RAPGEF4: variants seen among roughly 807,000 people sequenced by gnomAD.
The protein encoded by RAPGEF4 is RAP guanine-nucleotide-exchange factor (GEF) 4.
In RAPGEF4, 66 loss-of-function variants were observed where a neutral mutation model predicts 147.9. The observed-to-expected ratio is 0.45, with a 90% CI of 0.37 to 0.55. The LOEUF is 0.55. Among genes scored for constraint, RAPGEF4 ranks in the 20% least tolerant of loss-of-function variants. RAPGEF4 has a pLI of 0.00. For missense variants in RAPGEF4, 1,071 were observed against 1,257.3 expected, an observed-to-expected ratio of 0.85 and a Z score of 2.24; for synonymous variants, 419 against 442.7, an observed-to-expected ratio of 0.95 and a Z score of 0.67.
intron 5 of RAPGEF4, among the ~76,000 whole-genome samples, chr2:172,920,877 T>G (rs1302875433): frequency 6.6e-6 from 1 of 152,154 alleles, no homozygotes; most frequent in African/African-American, 2.4e-5. Context: ...AGGCCATCCT[T>G]CCTCTTTCTG....
chr2:172,743,238 A>T (rs1214502303), intron 1 of RAPGEF4, among the ~76,000 whole-genome samples: 2 of 152,158 alleles, frequency 1.3e-5, no homozygotes, highest in Non-Finnish European at 2.9e-5. Flanking sequence ...GAGAAAGAGG[A>T]TGGAAAGAAC....
chr2:172,968,187 C>G (rs996505200), intron 10 of RAPGEF4, among the ~76,000 whole-genome samples: 5 of 152,172 alleles, frequency 3.3e-5, no homozygotes, highest in African/African-American at 9.7e-5. Context: ...TTTCAGTTAG[C>G]GGTGACTTGG....
At chr2:172,969,288 A>G (rs1690207936) in intron 10 of RAPGEF4, among the ~76,000 whole-genome samples, 1 of 152,254 alleles carries the variant, frequency 6.6e-6, no homozygotes, top group African/African-American at 2.4e-5. Flanking sequence ...TAAACATTGA[A>G]CAAGAAGGCT....
chr2:172,948,789 C>T (rs1441850119), intron 6 of RAPGEF4, among the ~76,000 whole-genome samples: 2 of 152,010 alleles, frequency 1.3e-5, no homozygotes, highest in Non-Finnish European at 2.9e-5. Flanking sequence ...ACAACACACA[C>T]TGGGGCCTAT....
intron 30 of RAPGEF4, among the ~76,000 whole-genome samples, chr2:173,049,972 G>A (rs1247021359): frequency 6.6e-6 from 1 of 152,236 alleles, no homozygotes; most frequent in African/African-American, 2.4e-5. Context: ...GCCAAATCGT[G>A]TGTGCCTGAG....
At chr2:172,778,102 T>C (rs1221100284) in intron 1 of RAPGEF4, among the ~76,000 whole-genome samples, 1 of 152,226 alleles carries the variant, frequency 6.6e-6, no homozygotes, top group Non-Finnish European at 1.5e-5. Flanking sequence ...TAAAGACACC[T>C]GTAGGACTTT....
chr2:172,750,525 C>T (rs1402961721), intron 1 of RAPGEF4, among the ~76,000 whole-genome samples: 1 of 152,116 alleles, frequency 6.6e-6, no homozygotes, highest in Non-Finnish European at 1.5e-5. Flanking sequence ...CGTCCCGCAA[C>T]ACATAGGGAT....
At chr2:172,797,380 G>T in intron 2 of RAPGEF4, 145 bp from the exon 3 acceptor site, 1 of 600,148 alleles carries the variant, frequency 1.7e-6, no homozygotes, top group Non-Finnish European at 2.9e-6. Flanking sequence ...AGAAAAACAT[G>T]TTATGTTCCT....
At chr2:172,774,234 A>C (rs1054954311) in intron 1 of RAPGEF4, among the ~76,000 whole-genome samples, 3 of 152,156 alleles carry the variant, frequency 2.0e-5, no homozygotes, top group Admixed American at 6.5e-5. Context: ...TTTCTTCTTC[A>C]GTTCATTCCC....
At chr2:172,742,087 T>C (rs1357190553) in intron 1 of RAPGEF4, among the ~76,000 whole-genome samples, 1 of 152,188 alleles carries the variant, frequency 6.6e-6, no homozygotes, top group African/African-American at 2.4e-5. Context: ...TTCAAGCAAA[T>C]CCCATGTATT....
At position 172,751,042 on chromosome 2, in the gene RAPGEF4, G is replaced by A. The variant is rs59499699; in HGVS notation, c.65+14994G>A. The stretch of plus-strand genomic sequence containing the variant: ...TTGAATTTTACATGTTTTCTTTATC[G>A]ACTCTTTAAAGAAACTTGGAATATA... On this transcript the variant is annotated intron_variant, in intron 1 of 30. Transcript: ENST00000397081. Among the ~76,000 whole-genome samples, 666 of 152,106 alleles carry A rather than the reference G, an allele frequency of 4.4e-3. 5 individuals are homozygous for A. Among genetic ancestry groups the A allele is most frequent in the African/African-American group, 0.015 (608 of 41,494 alleles).
intron 4 of RAPGEF4, among the ~76,000 whole-genome samples, chr2:172,896,038 G>A (rs760528655): frequency 6.6e-6 from 1 of 152,154 alleles, no homozygotes; most frequent in Non-Finnish European, 1.5e-5. Context: ...TCATAAAGAC[G>A]TTGTCTGAGA....
intron 6 of RAPGEF4, among the ~76,000 whole-genome samples, chr2:172,953,506 G>C (rs1290051896): frequency 5.9e-5 from 9 of 151,758 alleles, no homozygotes; most frequent in Non-Finnish European, 1.3e-4. Flanking sequence ...GACAGACAGA[G>C]AGAGAGTATA....
At chr2:173,009,856 T>C (rs1694840892) in intron 17 of RAPGEF4, among the ~76,000 whole-genome samples, 1 of 152,230 alleles carries the variant, frequency 6.6e-6, no homozygotes, top group Non-Finnish European at 1.5e-5. Context: ...ATGTGCTTTG[T>C]TATCAGGATT....
chr2:172,744,392 T>C (rs1694584481), intron 1 of RAPGEF4: 1 of 456,456 alleles, frequency 2.2e-6, no homozygotes. Flanking sequence ...TCAAATGAGA[T>C]TCCCAGTGCC....
chr2:173,035,499 A>C (rs1355909081), intron 27 of RAPGEF4, among the ~76,000 whole-genome samples: 7 of 146,552 alleles, frequency 4.8e-5, no homozygotes. Context: ...TGACAGAGTG[A>C]GACTCTGTCT....
intron 6 of RAPGEF4, among the ~76,000 whole-genome samples, chr2:172,950,329 A>C (rs894894292): frequency 1.3e-5 from 2 of 152,216 alleles, no homozygotes; most frequent in African/African-American, 4.8e-5. Flanking sequence ...GGGCTTGGCC[A>C]AGGTGACCCT....
At chr2:173,036,328 C>A in intron 28 of RAPGEF4, 116 bp downstream of exon 28, 1 of 855,466 alleles carries the variant, frequency 1.2e-6, no homozygotes, top group Non-Finnish European at 1.9e-6. Context: ...ATCCTTCTGC[C>A]TTCTTTGTCA....
chr2:172,750,242 G>C (rs544656031), intron 1 of RAPGEF4, among the ~76,000 whole-genome samples: 1 of 152,026 alleles, frequency 6.6e-6, no homozygotes, highest in East Asian at 1.9e-4. Flanking sequence ...CTCTGTTTAT[G>C]CTGCTGATAA....
Sources: gnomAD v4.1 joint callset for allele counts (sites outside exome capture counted in the v4.1 genomes callset) on GRCh38, gnomAD v4.1.1 for gene constraint, MANE v1.5 for transcripts, NCBI Gene and HGNC (gene_info 2026-07-23, HGNC 2026-07-21) for gene names.